Variants in GRM7 observed in about 807,000 individuals in gnomAD.
The protein encoded by GRM7 is metabotropic glutamate receptor 7.
In GRM7, 35 loss-of-function variants were observed where a neutral mutation model predicts 84.5. That is an observed-to-expected ratio of 0.41 (90% confidence interval 0.32 to 0.55). The LOEUF is 0.55. GRM7 is among the 20% of genes least tolerant of loss of function. The pLI, the probability that GRM7 is intolerant of heterozygous loss-of-function variation, is 0.19. For synonymous variants in GRM7, 487 were observed against 455.1 expected, an observed-to-expected ratio of 1.07 and a Z score of -0.89; for missense variants, 1,003 against 1,194.6, an observed-to-expected ratio of 0.84 and a Z score of 2.36.
At chr3:6,905,314 C>A (rs1054045555) in intron 1 of GRM7, among the ~76,000 whole-genome samples, 1 of 151,980 alleles carries the variant, frequency 6.6e-6, no homozygotes, top group Non-Finnish European at 1.5e-5. Flanking sequence ...TTTTCTGTAC[C>A]ATTTGTTATA....
chr3:7,004,340 T>C (rs73812013), intron 1 of GRM7, among the ~76,000 whole-genome samples: 2,444 of 152,286 alleles, frequency 0.016, 72 homozygotes, highest in African/African-American at 0.053. Context: ...TGTGGAAGTA[T>C]ACAAATGAGG....
chr3:7,469,329 T>A (rs9825766), intron 7 of GRM7, among the ~76,000 whole-genome samples: 36,623 of 152,094 alleles, frequency 0.24, 7,618 homozygotes, highest in African/African-American at 0.56. Context: ...AAGTGCAAAG[T>A]TAGATGATTT....
chr3:7,216,950 A>G (rs549724403), intron 2 of GRM7, among the ~76,000 whole-genome samples: 1 of 152,294 alleles, frequency 6.6e-6, no homozygotes, highest in African/African-American at 2.4e-5. Flanking sequence ...GTAACCAGCT[A>G]AAGGGAAGTT....
intron 7 of GRM7, among the ~76,000 whole-genome samples, chr3:7,568,905 C>G (rs951411172): frequency 3.9e-5 from 6 of 152,106 alleles, no homozygotes; most frequent in Non-Finnish European, 7.4e-5. Context: ...GCGGCCCCAG[C>G]CTCCCGGACG....
intron 2 of GRM7, among the ~76,000 whole-genome samples, chr3:7,185,776 C>T (rs1430007462): frequency 6.6e-6 from 1 of 152,156 alleles, no homozygotes; most frequent in Non-Finnish European, 1.5e-5. Context: ...TGAGGAGATT[C>T]TGGTACAGGT....
At chr3:7,296,204 A>G (rs907066682) in intron 2 of GRM7, among the ~76,000 whole-genome samples, 1 of 152,060 alleles carries the variant, frequency 6.6e-6, no homozygotes, top group African/African-American at 2.4e-5. Context: ...TGATTTTTCA[A>G]ATAATAAATT....
intron 2 of GRM7, among the ~76,000 whole-genome samples, chr3:7,155,385 C>A (rs1170447001): frequency 6.6e-6 from 1 of 151,976 alleles, no homozygotes. Context: ...TGTTCCACCC[C>A]CACCCCTGGA....
chr3:7,452,215 G>C (rs1280495727), intron 5 of GRM7, among the ~76,000 whole-genome samples: 1 of 151,848 alleles, frequency 6.6e-6, no homozygotes, highest in Non-Finnish European at 1.5e-5. Context: ...TGTGTAGAAA[G>C]TAATGAATTC....
At chr3:6,931,015 G>C (rs192909183) in intron 1 of GRM7, among the ~76,000 whole-genome samples, 1 of 152,004 alleles carries the variant, frequency 6.6e-6, no homozygotes, top group South Asian at 2.1e-4. Flanking sequence ...ACTCATAATC[G>C]CTTCTATCAA....
chr3:7,064,491 C>CAT (rs145425493), intron 1 of GRM7, among the ~76,000 whole-genome samples: 5,619 of 69,598 alleles, frequency 0.081, 686 homozygotes, highest in African/African-American at 0.22. Context: ...CACACATATA[C>CAT]ATATATATAT....
intron 1 of GRM7, among the ~76,000 whole-genome samples, chr3:7,068,076 T>C (rs1319073276): frequency 6.6e-6 from 1 of 151,982 alleles, no homozygotes; most frequent in African/African-American, 2.4e-5. Context: ...CCATCCATGA[T>C]GCTGAAACAA....
chr3:7,404,806 A>T (rs1695604899), intron 4 of GRM7, among the ~76,000 whole-genome samples: 1 of 151,840 alleles, frequency 6.6e-6, no homozygotes, highest in Non-Finnish European at 1.5e-5. Flanking sequence ...AAAAAAAAAT[A>T]ATAATAATGC....
chr3:7,561,341 A>G (rs1694019041), intron 7 of GRM7: 1 of 305,108 alleles, frequency 3.3e-6, no homozygotes, highest in Admixed American at 3.9e-5. Context: ...ACACAAATTT[A>G]TACTGTGATG....
At chr3:7,280,433 T>A (rs1439870236) in intron 2 of GRM7, among the ~76,000 whole-genome samples, 1 of 152,204 alleles carries the variant, frequency 6.6e-6, no homozygotes, top group Non-Finnish European at 1.5e-5. Flanking sequence ...TTAGAGCAAG[T>A]TCTGGAACCA....
At chr3:7,699,419 G>A (rs1196199167) in intron 9 of GRM7, among the ~76,000 whole-genome samples, 3 of 152,154 alleles carry the variant, frequency 2.0e-5, no homozygotes, top group African/African-American at 4.8e-5. Flanking sequence ...TATGTATTTA[G>A]AGTAGTTCTT....
At chr3:7,426,349 C>G (rs1412989754) in intron 5 of GRM7, among the ~76,000 whole-genome samples, 1 of 152,126 alleles carries the variant, frequency 6.6e-6, no homozygotes, top group Non-Finnish European at 1.5e-5. Context: ...AGACTAAAAC[C>G]TCAGCATGGT....
chr3:7,146,430 T>C, intron 1 of GRM7, 22 bp from the exon 2 acceptor site: 1 of 1,568,988 alleles, frequency 6.4e-7, no homozygotes. Flanking sequence ...CACTCTCACG[T>C]GGTGCTTTCT....
At chr3:7,276,235 GTGTGTGTGTGTGTGTA>G (rs1253006094) in intron 2 of GRM7, among the ~76,000 whole-genome samples, 5 of 151,222 alleles carry the variant, frequency 3.3e-5, no homozygotes, top group South Asian at 2.1e-4. Flanking sequence ...GTGTGTGTGT[GTGTGTGTGTGTGTGTA>G]TATATAATTG....
chr3:7,194,958 G>A (rs1335252420), intron 2 of GRM7, among the ~76,000 whole-genome samples: 1 of 152,042 alleles, frequency 6.6e-6, no homozygotes, highest in East Asian at 1.9e-4. Flanking sequence ...TGAGGGAAGA[G>A]GGAAGGATTC....
Sources: gnomAD v4.1 joint callset for allele counts (sites outside exome capture counted in the v4.1 genomes callset) on GRCh38, gnomAD v4.1.1 for gene constraint, MANE v1.5 for transcripts, NCBI Gene and HGNC (gene_info 2026-07-23, HGNC 2026-07-21) for gene names.